Variants in MAN2C1 observed in about 807,000 individuals in gnomAD.
MAN2C1 encodes the protein alpha-mannosidase 2C1.
Under a neutral mutation model 126.9 loss-of-function variants are expected in MAN2C1, and 111 were observed. The observed-to-expected ratio is 0.87, with a 90% CI of 0.75 to 1.02. The LOEUF is 1.02. MAN2C1 is among the 50% of genes least tolerant of loss of function. The probability of loss-of-function intolerance (pLI) is 0.00; values close to 1 mark genes in which losing one functional copy is unlikely to be tolerated. For missense variants in MAN2C1, 1,363 were observed against 1,364.4 expected, an observed-to-expected ratio of 1.00 and a Z score of 0.02; for synonymous variants, 567 against 561.5, an observed-to-expected ratio of 1.01 and a Z score of -0.14.
chr15:75,358,378 G>A (rs767289605), intron 20 of MAN2C1, 34 bp from the exon 21 acceptor site: 1 of 1,613,864 alleles, frequency 6.2e-7, no homozygotes, highest in Non-Finnish European at 8.5e-7. Flanking sequence ...AGTCAGGGAA[G>A]GAAGAGACAC....
intron 1 of MAN2C1, 53 bp downstream of exon 1, chr15:75,368,430 A>C (rs1256303592): frequency 5.9e-6 from 9 of 1,515,682 alleles, no homozygotes; most frequent in Non-Finnish European, 7.1e-6. Flanking sequence ...CCGGAAGGAA[A>C]GCTTGAGGCG....
intron 4 of MAN2C1, 134 bp downstream of exon 4, chr15:75,366,388 G>T: frequency 1.4e-6 from 1 of 731,520 alleles, no homozygotes; most frequent in Non-Finnish European, 2.3e-6. Flanking sequence ...GCTTTTAAAA[G>T]CAAACAATGA....
At chr15:75,359,526 C>G (rs1263935328) in intron 16 of MAN2C1, 94 bp downstream of exon 16, 2 of 1,569,154 alleles carry the variant, frequency 1.3e-6, no homozygotes, top group Admixed American at 3.5e-5. Flanking sequence ...ACTCTCCAGT[C>G]AGGGGCACCC....
chr15:75,366,918 C>T (rs1015405728), intron 3 of MAN2C1, among the ~76,000 whole-genome samples: 2 of 152,160 alleles, frequency 1.3e-5, no homozygotes, highest in Non-Finnish European at 2.9e-5. Flanking sequence ...AAAGAAACTC[C>T]GTGAAGTCAG....
rs1364318431 is a variant in MAN2C1, at chr15:75,362,007, G to A, written c.1009-60C>T. ...AGCGCTGGACGGGGAGCAGGCAGGC[G>A]CTCAGGCCAACCCAATCCCTGCAGG... On this transcript the variant is annotated intron_variant, in intron 8 of 25. Coordinates refer to ENST00000267978, the MANE Select transcript of MAN2C1 (RefSeq NM_006715.4). This position sits in a 1 kb window ranked among gnomAD's most constrained non-coding sequence, Gnocchi z 4.5. 1.6e-5 allele frequency: 21 copies of A among 1,312,140 alleles called. No homozygotes were observed. The highest frequency in any genetic ancestry group is 2.3e-5 in the East Asian group (1 of 43,604). The allele number at this position is 1,312,140 out of a possible 1,614,324, so 81.3% of individuals were successfully genotyped here.
chr15:75,361,564 G>A lies in MAN2C1; in HGVS notation c.1218+40C>T, dbSNP rs2072470382. The stretch of plus-strand genomic sequence containing the variant: ...AGAGGCAAATGGGCCAGGCGGGACT[G>A]AGGCCCACTCTGACCCTGACCCCCC... On this transcript the variant is annotated intron_variant, in intron 10 of 25. Transcript: ENST00000267978. This position sits in a 1 kb window ranked among gnomAD's most constrained non-coding sequence, Gnocchi z 5.0. 6.7e-7 allele frequency: 1 copy of A among 1,497,462 alleles called. No individual in the cohort carries two copies. Among genetic ancestry groups the A allele is most frequent in the Non-Finnish European group, 9.3e-7 (1 of 1,074,276 alleles). 92.8% of individuals were successfully genotyped at this position (1,497,462 alleles called of 1,614,324 possible). A position where few individuals can be genotyped will look rare whatever the true frequency, so the allele number is the denominator to read the frequency against.
chr15:75,358,579 G>A lies in MAN2C1; in HGVS notation c.2286C>T (p.Gly762=), dbSNP rs1339662722. 2 of 1,613,206 alleles carry A rather than the reference G, an allele frequency of 1.2e-6. No individual in the cohort carries two copies. The highest frequency in any genetic ancestry group is 1.7e-6 in the Non-Finnish European group (2 of 1,179,996). Residue 762 remains glycine, a synonymous_variant, in exon 20 of 26, where the codon GGC becomes GGT. Coordinates refer to ENST00000267978, the MANE Select transcript of MAN2C1 (RefSeq NM_006715.4). ...VLGQAGTLAV[G]TEGGLRGSAW... is the part of the protein sequence containing the mutation. ...CGCTGCCCCGCAGGCCGCCCTCGGT[G>A]CCCACTGCCAGGGTCCCTGCCTGGC...
chr15:75,356,053 T>C lies in MAN2C1; in HGVS notation c.2997-21A>G. The C allele has an allele frequency of 6.2e-7, 1 of 1,613,718 alleles. No homozygotes were observed. The highest frequency in any genetic ancestry group is 2.2e-5 in the East Asian group (1 of 44,846). ...CGCAGCTGGAGAACAGGAGGGGCCATGAAGGCTCTGCGAGGGCGAGACTCG... is the reference window on the plus strand; with the variant it reads ...CGCAGCTGGAGAACAGGAGGGGCCACGAAGGCTCTGCGAGGGCGAGACTCG... On this transcript the variant is annotated intron_variant, in intron 25 of 25. Coordinates refer to ENST00000267978, the MANE Select transcript of MAN2C1 (RefSeq NM_006715.4). This position sits in a 1 kb window ranked among gnomAD's most constrained non-coding sequence, Gnocchi z 5.8.
Position 75,360,117 on chromosome 15 carries a change from G to T in MAN2C1, c.1679C>A (p.Pro560Gln). The T allele has an allele frequency of 6.8e-6, 11 of 1,613,984 alleles. No individual in the cohort carries two copies. Among genetic ancestry groups the T allele is most frequent in the Non-Finnish European group, 9.3e-6 (11 of 1,180,020 alleles). Residue 560 changes from proline (P) to glutamine (Q), a missense_variant, in exon 14 of 26, where the codon CCA (proline) becomes CAA (glutamine). Physicochemically the swap from Pro to Gln is moderately conservative, Grantham distance 76. Coordinates refer to ENST00000267978, the MANE Select transcript of MAN2C1 (RefSeq NM_006715.4). ...CCAGAGGTGCTGCAGCTGGGCTGCT[G>T]GGTATAGGAACTGGGCACTGCGGGC... The part of the protein sequence containing the change: ...ALARSAQFLY[P>Q]AAQLQHLWRL...
chr15:75,356,321 CGACCG>C lies in MAN2C1; in HGVS notation c.2861_2865del (p.Ala954GlyfsTer23). The C allele has an allele frequency of 1.2e-6, 2 of 1,612,326 alleles. No homozygotes were observed. Among genetic ancestry groups the C allele is most frequent in the Non-Finnish European group, 1.7e-6 (2 of 1,179,354 alleles). ...CTTGCCTGCTTGACGGTCTCCAATA[CGACCG>C]CGGGTGAAGACACGGAAAACGCACT... On this transcript the variant is annotated frameshift_variant, in exon 24 of 26. Coordinates refer to ENST00000267978, the MANE Select transcript of MAN2C1 (RefSeq NM_006715.4). LOFTEE classifies it high-confidence loss of function. The surrounding 1 kb of genome is among the most constrained non-coding windows in gnomAD (Gnocchi z 5.8).
chr15:75,360,317 G>A (rs1442537644), intron 13 of MAN2C1, 106 bp from the exon 14 acceptor site: 7 of 1,483,976 alleles, frequency 4.7e-6, no homozygotes, highest in Middle Eastern at 1.8e-4. Flanking sequence ...CAAGGGCCTC[G>A]TGGAGAAGGC....
chr15:75,362,567 G>C lies in MAN2C1; in HGVS notation c.897+75C>G. On this transcript the variant is annotated intron_variant, in intron 7 of 25. Transcript: ENST00000267978. The surrounding 1 kb of genome is among the most constrained non-coding windows in gnomAD (Gnocchi z 4.5). ...GAGGAGCAGCCCTGACCCCAGGCCT[G>C]GGAAGCCTTCAGGGCCTGTGGAGCT... 1 of 1,549,896 alleles carries C rather than the reference G, an allele frequency of 6.5e-7. No homozygotes were observed. Among genetic ancestry groups the C allele is most frequent in the Non-Finnish European group, 8.9e-7 (1 of 1,129,682 alleles).
chr15:75,364,883 CAA>C (rs769752842), intron 4 of MAN2C1, among the ~76,000 whole-genome samples: 1 of 152,196 alleles, frequency 6.6e-6, no homozygotes, highest in Non-Finnish European at 1.5e-5. Context: ...GAATAAGTAG[CAA>C]AGTTTGGAAC....
chr15:75,366,742 C>G, intron 3 of MAN2C1, 150 bp from the exon 4 acceptor site: 1 of 568,040 alleles, frequency 1.8e-6, no homozygotes, highest in South Asian at 2.3e-5. Context: ...ATCAGGGACC[C>G]TTGGCAGTAG....
In MAN2C1 at chr15:75,356,233, C is replaced by T. The variant is rs922040251; in HGVS notation, c.2887-14G>A. ...GCTGCTCTCCGCCTGCAGAGGAACA[C>T]GTCTGGTGGGAGGGGCCGAGGGCAG... On this transcript the variant is annotated splice_polypyrimidine_tract_variant and intron_variant, in intron 24 of 25. Transcript: ENST00000267978. This position sits in a 1 kb window ranked among gnomAD's most constrained non-coding sequence, Gnocchi z 5.8. 9.9e-6 allele frequency: 16 copies of T among 1,612,774 alleles called. No homozygotes were observed. Among genetic ancestry groups the T allele is most frequent in the East Asian group, 2.2e-5 (1 of 44,878 alleles).
In MAN2C1 at chr15:75,356,022, A is replaced by G. The variant is rs1251231385; in HGVS notation, c.3007T>C (p.Leu1003=). ...PVQEAILCDL[L]ERPDPAGHLT... ...TGGCCAGCAGGGTCTGGTCGCTCCA[A>G]GAGATCGCAGCTGGAGAACAGGAGG... The change falls in exon 26 of 26, where the codon TTG becomes CTG. Residue 1003 remains leucine (L), a synonymous_variant. Coordinates refer to ENST00000267978, the MANE Select transcript of MAN2C1 (RefSeq NM_006715.4). This position sits in a 1 kb window ranked among gnomAD's most constrained non-coding sequence, Gnocchi z 5.8. The G allele has an allele frequency of 5.6e-6, 9 of 1,613,884 alleles. No homozygotes were observed. The highest frequency in any genetic ancestry group is 1.1e-5 in the South Asian group (1 of 91,066).
At position 75,364,640 on chromosome 15, in the gene MAN2C1, A is replaced by G; in HGVS notation, c.448T>C (p.Cys150Arg). 6.2e-7 allele frequency: 1 copy of G among 1,612,884 alleles called. No individual in the cohort carries two copies. The highest frequency in any genetic ancestry group is 8.5e-7 in the Non-Finnish European group (1 of 1,179,372). The change falls in exon 5 of 26, where the codon TGC (cysteine) becomes CGC (arginine). Residue 150 changes from cysteine to arginine, a missense_variant. Coordinates refer to ENST00000267978, the MANE Select transcript of MAN2C1 (RefSeq NM_006715.4). ...RSLTLYVEVA[C>R]NGLLGAGKGS... ...TTCCCGGCCCCCAGGAGCCCATTGC[A>G]GGCTACTTCCACATAGAGAGTGAGG...
In MAN2C1 at chr15:75,362,029, C is replaced by T; in HGVS notation, c.1009-82G>A. 2 of 1,014,752 alleles carry T rather than the reference C, an allele frequency of 2.0e-6. No homozygotes were observed. The highest frequency in any genetic ancestry group is 3.1e-6 in the Non-Finnish European group (2 of 643,976). 62.9% of individuals were successfully genotyped at this position (1,014,752 alleles called of 1,614,324 possible). A position where few individuals can be genotyped will look rare whatever the true frequency, so the allele number is the denominator to read the frequency against. On this transcript the variant is annotated intron_variant, in intron 8 of 25. Coordinates refer to ENST00000267978, the MANE Select transcript of MAN2C1 (RefSeq NM_006715.4). The surrounding 1 kb of genome is among the most constrained non-coding windows in gnomAD (Gnocchi z 4.5). ...GGCGCTCAGGCCAACCCAATCCCTG[C>T]AGGAGAAGCCAGGGCTGCTCAAACA...
Position 75,359,669 on chromosome 15 carries a change from CT to C in MAN2C1, c.1898del (p.Lys633SerfsTer5), listed in dbSNP as rs1567276522. The C allele has an allele frequency of 2.5e-6, 4 of 1,614,172 alleles. No individual in the cohort carries two copies. The highest frequency in any genetic ancestry group is 2.5e-6 in the Non-Finnish European group (3 of 1,180,040). On this transcript the variant is annotated frameshift_variant, in exon 16 of 26. Coordinates refer to ENST00000267978, the MANE Select transcript of MAN2C1 (RefSeq NM_006715.4). LOFTEE classifies it high-confidence loss of function. ...GLLIVNTLPW[K>X]RIEVMALPKP... ...TGGGCAGGGCCATCACTTCGATCCG[CT>C]TCCAGGGCAGTGTGTTGACGATGAG...
Sources: gnomAD v4.1 joint callset for allele counts (sites outside exome capture counted in the v4.1 genomes callset) on GRCh38, gnomAD v4.1.1 for gene constraint, Gnocchi (gnomAD v3.1) non-coding constraint, MANE v1.5 for transcripts, NCBI Gene and HGNC (gene_info 2026-07-23, HGNC 2026-07-21) for gene names.